ZMAT4: variants seen among roughly 807,000 people sequenced by gnomAD.
ZMAT4 encodes zinc finger matrin-type 4.
In ZMAT4, 17 loss-of-function variants were observed where a neutral mutation model predicts 28.7. The ratio of observed to expected loss-of-function variants is 0.59; its 90% confidence interval spans 0.41 to 0.89. ZMAT4 has a LOEUF of 0.89. Among genes scored for constraint, ZMAT4 ranks in the 40% least tolerant of loss-of-function variants. ZMAT4 has a pLI of 0.00. For missense variants in ZMAT4, 240 were observed against 283.8 expected (o/e 0.85, Z 1.11); for synonymous variants, 117 against 109.2 (o/e 1.07, Z -0.44).
intron 3 of ZMAT4, among the ~76,000 whole-genome samples, chr8:40,722,265 A>G (rs1385045269): frequency 6.6e-6 from 1 of 152,196 alleles, no homozygotes; most frequent in Non-Finnish European, 1.5e-5. Context: ...AAATTTTCGC[A>G]ACCTACTCAT....
At position 40,862,584 on chromosome 8, in the gene ZMAT4, TAAAAAA is replaced by T. The variant is rs398007582; in HGVS notation, c.-5+35093_-5+35098del. 1.2e-3 allele frequency among the ~76,000 whole-genome samples: 131 copies of T among 109,964 alleles called. 1 individual carries two copies. Among genetic ancestry groups the T allele is most frequent in the African/African-American group, 4.3e-3 (124 of 28,590 alleles). The allele number at this position is 109,964 out of a possible 152,430, so 72.1% of individuals were successfully genotyped here. On this transcript the variant is annotated intron_variant, in intron 1 of 6. Transcript: ENST00000297737. Reference sequence around the variant, plus strand: ...TTAGAGTATAATAAAAAAAAAAAATTAAAAAAAAAAAAAAAAGAAAATTTGGCACAT... The same window carrying T: ...TTAGAGTATAATAAAAAAAAAAAATTAAAAAAAAAAGAAAATTTGGCACAT...
At position 40,689,302 on chromosome 8, in the gene ZMAT4, T is replaced by C. The variant is rs148338699; in HGVS notation, c.349+7943A>G. Among the ~76,000 whole-genome samples the C allele has an allele frequency of 3.9e-3, 598 of 152,296 alleles. 6 individuals are homozygous for C. Among genetic ancestry groups the C allele is most frequent in the African/African-American group, 0.014 (567 of 41,572 alleles). ...TGGAGACTTCTCTGAGCCCTGTGAG[T>C]GGCACTAAAGAGGGAGAGGGAGGAT... On this transcript the variant is annotated intron_variant, in intron 4 of 6. Transcript: ENST00000297737.
intron 2 of ZMAT4, among the ~76,000 whole-genome samples, chr8:40,768,794 G>A (rs889314134): frequency 2.6e-5 from 4 of 152,104 alleles, no homozygotes; most frequent in Admixed American, 6.6e-5. Context: ...CGAATCTATT[G>A]TTCCCTAATT....
chr8:40,813,969 T>G (rs1195155652), intron 2 of ZMAT4, among the ~76,000 whole-genome samples: 1 of 152,068 alleles, frequency 6.6e-6, no homozygotes, highest in East Asian at 1.9e-4. Context: ...ATTGGAATAG[T>G]GACAGCAAAG....
chr8:40,749,965 G>T (rs959103357), intron 3 of ZMAT4, among the ~76,000 whole-genome samples: 1 of 152,142 alleles, frequency 6.6e-6, no homozygotes, highest in African/African-American at 2.4e-5. Context: ...GTGACACAGG[G>T]CAGGTGCACA....
At chr8:40,563,441 G>C (rs188117257) in intron 6 of ZMAT4, among the ~76,000 whole-genome samples, 10 of 152,256 alleles carry the variant, frequency 6.6e-5, no homozygotes, top group Admixed American at 5.2e-4. Context: ...TAGACACAGA[G>C]TAAATACACA....
intron 5 of ZMAT4, among the ~76,000 whole-genome samples, chr8:40,626,531 CCA>C (rs1179318764): frequency 6.6e-6 from 1 of 152,198 alleles, no homozygotes; most frequent in Admixed American, 6.5e-5. Flanking sequence ...ACTGCCAGCC[CCA>C]GATTCTGGAC....
chr8:40,682,608 G>T lies in ZMAT4; in HGVS notation c.350-7677C>A, dbSNP rs1357105969. On this transcript the variant is annotated intron_variant, in intron 4 of 6. Coordinates refer to ENST00000297737, the MANE Select transcript of ZMAT4 (RefSeq NM_024645.3). ...AATTAAAAAGCACTATAATATATCC[G>T]ATGTTTCAAAATACATGCCATTTCA... 3.3e-5 allele frequency among the ~76,000 whole-genome samples: 5 copies of T among 152,094 alleles called. No individual in the cohort carries two copies. In the South Asian group the frequency reaches 1.0e-3, roughly 32 times the overall value.
chr8:40,802,648 T>G (rs1359018651), intron 2 of ZMAT4, among the ~76,000 whole-genome samples: 1 of 152,184 alleles, frequency 6.6e-6, no homozygotes, highest in African/African-American at 2.4e-5. Flanking sequence ...CAATTTATTC[T>G]ATAGATTCAA....
chr8:40,706,364 A>G (rs1810351833), intron 3 of ZMAT4, among the ~76,000 whole-genome samples: 1 of 152,212 alleles, frequency 6.6e-6, no homozygotes, highest in African/African-American at 2.4e-5. Flanking sequence ...AGAACTAATT[A>G]TTAAATATCA....
At chr8:40,859,174 C>G (rs1586179013) in intron 1 of ZMAT4, among the ~76,000 whole-genome samples, 1 of 152,160 alleles carries the variant, frequency 6.6e-6, no homozygotes, top group Non-Finnish European at 1.5e-5. Flanking sequence ...TGCAAAATAC[C>G]CAGTGAAGTC....
At chr8:40,618,502 G>A (rs1001879905) in intron 5 of ZMAT4, among the ~76,000 whole-genome samples, 2 of 152,116 alleles carry the variant, frequency 1.3e-5, no homozygotes, top group South Asian at 2.1e-4. Context: ...TTAAGAGGAC[G>A]CAGTTTGTAT....
At chr8:40,579,080 G>T (rs1006607413) in intron 6 of ZMAT4, among the ~76,000 whole-genome samples, 1 of 152,042 alleles carries the variant, frequency 6.6e-6, no homozygotes, top group Non-Finnish European at 1.5e-5. Context: ...TTATCTCAAG[G>T]GTAGTTAAGG....
chr8:40,597,391 T>C (rs1805141466), intron 5 of ZMAT4, among the ~76,000 whole-genome samples: 1 of 152,172 alleles, frequency 6.6e-6, no homozygotes. Context: ...GCAGGCCACT[T>C]GCAATAACTC....
intron 1 of ZMAT4, among the ~76,000 whole-genome samples, chr8:40,869,365 T>C (rs1159909902): frequency 6.6e-6 from 1 of 152,188 alleles, no homozygotes; most frequent in Non-Finnish European, 1.5e-5. Context: ...AGGGGATTTT[T>C]GTTTTGTTTT....
chr8:40,620,182 C>T (rs972569977), intron 5 of ZMAT4, among the ~76,000 whole-genome samples: 3 of 152,194 alleles, frequency 2.0e-5, no homozygotes, highest in Non-Finnish European at 4.4e-5. Flanking sequence ...ATAGGGTATG[C>T]GTACTGACCA....
intron 3 of ZMAT4, among the ~76,000 whole-genome samples, chr8:40,766,068 C>G (rs1039854930): frequency 6.6e-6 from 1 of 152,096 alleles, no homozygotes; most frequent in African/African-American, 2.4e-5. Context: ...GTATCCTCCT[C>G]CCTCCCTCCT....
At chr8:40,659,156 A>T (rs2118847911) in intron 5 of ZMAT4, among the ~76,000 whole-genome samples, 1 of 152,274 alleles carries the variant, frequency 6.6e-6, no homozygotes, top group Middle Eastern at 3.4e-3. Flanking sequence ...TGTGCTGCAG[A>T]TGCCAAGACC....
chr8:40,687,125 A>C (rs1809444723), intron 4 of ZMAT4, among the ~76,000 whole-genome samples: 1 of 152,224 alleles, frequency 6.6e-6, no homozygotes, highest in Non-Finnish European at 1.5e-5. Flanking sequence ...AGTATATATA[A>C]GAGGCAGAGA....
Sources: allele counts gnomAD v4.1 joint callset (sites outside exome capture counted in the v4.1 genomes callset), GRCh38; gene constraint gnomAD v4.1.1; transcripts MANE v1.5; gene names NCBI Gene and HGNC (gene_info 2026-07-23, HGNC 2026-07-21).